The following PPA2 variants were observed in gnomAD, a reference collection of about 807,000 sequenced individuals.
PPA2 encodes the protein inorganic pyrophosphatase 2, mitochondrial.
Under a neutral mutation model 49.5 loss-of-function variants are expected in PPA2, and 48 were observed. That is an observed-to-expected ratio of 0.97 (90% CI 0.77 to 1.23). PPA2 has a LOEUF of 1.23. Ranked by LOEUF, PPA2 falls within the 50% of genes most tolerant of loss-of-function variation. The pLI is 0.00. For missense variants in PPA2, 429 were observed against 410.1 expected, an observed-to-expected ratio of 1.05 and a Z score of -0.40; for synonymous variants, 131 against 139.9, an observed-to-expected ratio of 0.94 and a Z score of 0.45.
At chr4:105,373,535 C>T (rs1733113380) in intron 10 of PPA2, among the ~76,000 whole-genome samples, 1 of 152,006 alleles carries the variant, frequency 6.6e-6, no homozygotes, top group African/African-American at 2.4e-5. Context: ...GAGTGCCAAA[C>T]ATTTCAGAGG....
At chr4:105,398,085 C>CA (rs869183514) in intron 8 of PPA2, among the ~76,000 whole-genome samples, 13 of 123,144 alleles carry the variant, frequency 1.1e-4, no homozygotes, top group Admixed American at 1.8e-4. Context: ...TAAAAACAAA[C>CA]AAAAAAAAAC....
intron 5 of PPA2, among the ~76,000 whole-genome samples, chr4:105,445,494 T>TA (rs397744461): frequency 2.6e-5 from 4 of 152,040 alleles, no homozygotes; most frequent in East Asian, 1.9e-4. Flanking sequence ...AATTTTTTTT[T>TA]AAATTTTCCT....
At chr4:105,457,110 A>G (rs1422133914) in intron 1 of PPA2, among the ~76,000 whole-genome samples, 2 of 152,160 alleles carry the variant, frequency 1.3e-5, no homozygotes, top group African/African-American at 2.4e-5. Flanking sequence ...ACTGATGTCA[A>G]TTTCCCTTGG....
rs548228076 is a variant in PPA2 at position 105,433,781 on chromosome 4, A to C, written c.528+4169T>G. Among the ~76,000 whole-genome samples the C allele has an allele frequency of 1.0e-3, 154 of 152,170 alleles. 1 individual carries two copies. The highest frequency in any genetic ancestry group is 3.6e-3 in the African/African-American group (150 of 41,502). ...TTCTGATACATGTCCTCAAGTTTGGACTCTGGTTGCTTAAATTCTAGATTC... is the reference window on the plus strand; with the variant it reads ...TTCTGATACATGTCCTCAAGTTTGGCCTCTGGTTGCTTAAATTCTAGATTC... On this transcript the variant is annotated intron_variant, in intron 6 of 11. Coordinates refer to ENST00000341695, the MANE Select transcript of PPA2 (RefSeq NM_176869.3).
rs747200413 is a variant in PPA2, at chr4:105,396,288, G to A, written c.830C>T (p.Ala277Val). ...VIKSTHQCWK[A>V]LLMKKCNGGA... ...TCCATTACACTTCTTCATAAGCAAT[G>A]CTTTCCAACATTGATGAGTGGATTT... The change falls in exon 9 of 12, where the codon GCA becomes GTA. Residue 277 changes from alanine (A) to valine (V), a missense_variant. Ala to Val is a moderately conservative substitution (Grantham distance 64). Transcript: ENST00000341695. 6.9e-6 allele frequency: 11 copies of A among 1,597,862 alleles called. No individual in the cohort carries two copies. The highest frequency in any genetic ancestry group is 9.4e-6 in the Non-Finnish European group (11 of 1,172,898).
chr4:105,419,885 T>C (rs1369562781), intron 7 of PPA2, among the ~76,000 whole-genome samples: 2 of 151,268 alleles, frequency 1.3e-5, no homozygotes, highest in Non-Finnish European at 2.9e-5. Flanking sequence ...TACTATGAAC[T>C]AAAACGAGCT....
chr4:105,423,493 C>T (rs374702163), intron 7 of PPA2: 4 of 152,208 alleles, frequency 2.6e-5, no homozygotes, highest in Non-Finnish European at 2.9e-5. Flanking sequence ...TTAAATAAAT[C>T]GTTTCTTATA....
At chr4:105,412,517 A>G (rs954798211) in intron 7 of PPA2, among the ~76,000 whole-genome samples, 1 of 152,264 alleles carries the variant, frequency 6.6e-6, no homozygotes, top group Non-Finnish European at 1.5e-5. Flanking sequence ...GCTTCTGCAC[A>G]GCAAAAGAAA....
chr4:105,402,630 G>A (rs1560614032), intron 7 of PPA2, among the ~76,000 whole-genome samples: 1 of 152,166 alleles, frequency 6.6e-6, no homozygotes, highest in African/African-American at 2.4e-5. Context: ...AGTCACAGAG[G>A]ACTCTAAGGG....
At chr4:105,429,150 A>T (rs1309246808) in intron 6 of PPA2, among the ~76,000 whole-genome samples, 1 of 152,186 alleles carries the variant, frequency 6.6e-6, no homozygotes, top group Non-Finnish European at 1.5e-5. Flanking sequence ...CAAAACCTTT[A>T]ATTTCATTCT....
intron 4 of PPA2, among the ~76,000 whole-genome samples, chr4:105,448,336 T>C (rs1722503061): frequency 6.6e-6 from 1 of 152,208 alleles, no homozygotes; most frequent in Non-Finnish European, 1.5e-5. Flanking sequence ...CTTCCAAATA[T>C]AAATTCTGAA....
At chr4:105,412,461 G>T (rs540395423) in intron 7 of PPA2, among the ~76,000 whole-genome samples, 23 of 152,264 alleles carry the variant, frequency 1.5e-4, no homozygotes, top group Non-Finnish European at 2.2e-4. Context: ...AAAAGCAATG[G>T]CAATAGAAGC....
Position 105,424,562 on chromosome 4 carries a change from A to G in PPA2, c.529-240T>C, listed in dbSNP as rs113180120. 1.8e-3 allele frequency among the ~76,000 whole-genome samples: 271 copies of G among 152,322 alleles called. 2 individuals carry two copies. The highest frequency in any genetic ancestry group is 6.3e-3 in the African/African-American group (264 of 41,588). The stretch of plus-strand genomic sequence containing the variant: ...TTACAGATAAACAACTTGCCCTCCC[A>G]TTGCAAACAACTAAAAAACTGGACA... On this transcript the variant is annotated intron_variant, in intron 6 of 11. Coordinates refer to ENST00000341695, the MANE Select transcript of PPA2 (RefSeq NM_176869.3).
At chr4:105,438,156 A>T (rs866826492) in intron 5 of PPA2, 120 bp from the exon 6 acceptor site, 1 of 721,216 alleles carries the variant, frequency 1.4e-6, no homozygotes, top group Middle Eastern at 4.0e-4. Flanking sequence ...CATTATCAGA[A>T]ATTACATAGG....
chr4:105,392,204 T>C (rs1449082298), intron 9 of PPA2, among the ~76,000 whole-genome samples: 1 of 151,868 alleles, frequency 6.6e-6, no homozygotes, highest in Non-Finnish European at 1.5e-5. Flanking sequence ...TTAAATTCTC[T>C]CTGTTAATAT....
At chr4:105,460,662 C>G (rs114076653) in intron 1 of PPA2, among the ~76,000 whole-genome samples, 12 of 152,214 alleles carry the variant, frequency 7.9e-5, no homozygotes, top group Non-Finnish European at 1.5e-4. Flanking sequence ...AATTTCAGCT[C>G]TAAGAATCCA....
chr4:105,390,998 C>T (rs13134204), intron 9 of PPA2, among the ~76,000 whole-genome samples: 64,458 of 151,826 alleles, frequency 0.42, 14,312 homozygotes, highest in East Asian at 0.68. Flanking sequence ...TAGGATACTA[C>T]GTAGCCATAA....
intron 7 of PPA2, among the ~76,000 whole-genome samples, chr4:105,423,949 G>A (rs1205033864): frequency 6.6e-6 from 1 of 152,074 alleles, no homozygotes; most frequent in African/African-American, 2.4e-5. Flanking sequence ...AAGAAAGGAG[G>A]GAAGGAAGGA....
At chr4:105,432,290 G>T (rs2713856) in intron 6 of PPA2, among the ~76,000 whole-genome samples, 86,925 of 151,964 alleles carry the variant, frequency 0.57, 24,882 homozygotes, top group East Asian at 0.68. Context: ...AAATACTTAC[G>T]TTTTTGTGTT....
Sources: allele counts gnomAD v4.1 joint callset (sites outside exome capture counted in the v4.1 genomes callset), GRCh38; gene constraint gnomAD v4.1.1; transcripts MANE v1.5; gene names NCBI Gene and HGNC (gene_info 2026-07-23, HGNC 2026-07-21).